GPC6: variants seen among roughly 807,000 people sequenced by gnomAD.
GPC6 encodes glypican-6.
In GPC6, 14 loss-of-function variants were observed where a neutral mutation model predicts 55.2. That is an observed-to-expected ratio of 0.25 (90% CI 0.17 to 0.40). The LOEUF (loss-of-function observed/expected upper bound fraction) is 0.40, where lower values mean the gene tolerates loss of function less well. Ranked by LOEUF, GPC6 falls within the 10% of genes least tolerant of loss-of-function variation. The pLI is 1.00. For synonymous variants in GPC6, 278 were observed against 259.6 expected, an observed-to-expected ratio of 1.07 and a Z score of -0.68; for missense variants, 641 against 708.5, an observed-to-expected ratio of 0.90 and a Z score of 1.08.
At chr13:93,907,560 T>C (rs1308535303) in intron 3 of GPC6, among the ~76,000 whole-genome samples, 1 of 152,148 alleles carries the variant, frequency 6.6e-6, no homozygotes, top group African/African-American at 2.4e-5. Context: ...GAATCTTCCT[T>C]TATCAAATAA....
intron 6 of GPC6, among the ~76,000 whole-genome samples, chr13:94,326,059 T>C (rs1485741537): frequency 3.3e-5 from 5 of 152,142 alleles, no homozygotes; most frequent in Admixed American, 3.3e-4. Context: ...ATGCTTAGAG[T>C]TGGAAGGGAT....
chr13:93,632,953 T>A (rs1241256744), intron 2 of GPC6, among the ~76,000 whole-genome samples: 4 of 152,148 alleles, frequency 2.6e-5, no homozygotes, highest in African/African-American at 9.7e-5. Flanking sequence ...GCCCATCAGG[T>A]CATATCAAGT....
intron 1 of GPC6, among the ~76,000 whole-genome samples, chr13:93,296,097 T>C (rs547299083): frequency 1.6e-4 from 24 of 152,278 alleles, no homozygotes; most frequent in Non-Finnish European, 2.6e-4. Context: ...TTTCAACATA[T>C]GAGTTTTGTG....
At chr13:93,797,316 C>G (rs1268387359) in intron 2 of GPC6, among the ~76,000 whole-genome samples, 1 of 152,178 alleles carries the variant, frequency 6.6e-6, no homozygotes, top group Non-Finnish European at 1.5e-5. Flanking sequence ...AGGCTCCTTT[C>G]CACCATCTTC....
chr13:94,120,423 C>T (rs1482966565), intron 4 of GPC6, among the ~76,000 whole-genome samples: 2 of 151,998 alleles, frequency 1.3e-5, no homozygotes, highest in East Asian at 3.9e-4. Context: ...TACCTTAATT[C>T]CTCTATTCTT....
intron 2 of GPC6, among the ~76,000 whole-genome samples, chr13:93,816,476 A>G (rs1353974482): frequency 1.3e-5 from 2 of 150,832 alleles, no homozygotes; most frequent in Admixed American, 1.3e-4. Context: ...TTGTTGTTAC[A>G]TTCTGTGATT....
chr13:93,346,306 A>G (rs1440124849), intron 1 of GPC6, among the ~76,000 whole-genome samples: 2 of 152,226 alleles, frequency 1.3e-5, no homozygotes, highest in Non-Finnish European at 2.9e-5. Flanking sequence ...ATAAATGGGC[A>G]AGTGTAAAGC....
At chr13:93,690,816 G>GTTATT (rs1361542096) in intron 2 of GPC6, among the ~76,000 whole-genome samples, 2 of 151,942 alleles carry the variant, frequency 1.3e-5, no homozygotes, top group African/African-American at 4.8e-5. Flanking sequence ...TAATGAAGAG[G>GTTATT]TTATTTTATT....
intron 3 of GPC6, among the ~76,000 whole-genome samples, chr13:93,939,425 A>AATAATAGTAATG (rs1878609459): frequency 6.7e-6 from 1 of 149,682 alleles, no homozygotes; most frequent in South Asian, 2.1e-4. Context: ...CTCAAATAAT[A>AATAATAGTAATG]ATAATAATAA....
chr13:94,395,995 A>T (rs1192345181), intron 7 of GPC6, among the ~76,000 whole-genome samples: 1 of 152,182 alleles, frequency 6.6e-6, no homozygotes, highest in East Asian at 1.9e-4. Context: ...GCGGGACTAA[A>T]GGGGTCAGGG....
chr13:93,510,983 A>ATGTATATATATG (rs1880942080), intron 1 of GPC6, among the ~76,000 whole-genome samples: 1 of 37,060 alleles, frequency 2.7e-5, no homozygotes, highest in African/African-American at 6.8e-5. Context: ...GTATATATAT[A>ATGTATATATATG]TGTGTATATA....
At chr13:93,681,528 T>C (rs1286727556) in intron 2 of GPC6, among the ~76,000 whole-genome samples, 1 of 152,196 alleles carries the variant, frequency 6.6e-6, no homozygotes, top group Non-Finnish European at 1.5e-5. Context: ...GGATATTCTA[T>C]GGTATTAAAT....
chr13:93,490,632 T>C (rs1358773975), intron 1 of GPC6, among the ~76,000 whole-genome samples: 7 of 133,810 alleles, frequency 5.2e-5, no homozygotes. Flanking sequence ...ACTCGTCATC[T>C]AGCATTAGGT....
chr13:93,805,971 C>T (rs1344923091), intron 2 of GPC6, among the ~76,000 whole-genome samples: 1 of 152,204 alleles, frequency 6.6e-6, no homozygotes, highest in Non-Finnish European at 1.5e-5. Context: ...TGAGTCTCGT[C>T]AGTCATTCAC....
At chr13:93,360,272 A>C (rs1415810576) in intron 1 of GPC6, among the ~76,000 whole-genome samples, 2 of 152,188 alleles carry the variant, frequency 1.3e-5, no homozygotes, top group Non-Finnish European at 1.5e-5. Context: ...CAGAGACCAG[A>C]CTGAAATATG....
intron 1 of GPC6, among the ~76,000 whole-genome samples, chr13:93,497,141 C>T (rs982023348): frequency 1.3e-5 from 2 of 152,124 alleles, no homozygotes; most frequent in Non-Finnish European, 2.9e-5. Flanking sequence ...AAGATTAAAA[C>T]AACAAAAATC....
rs113973792 is a variant in GPC6, at chr13:93,766,065, T to C, written c.320-64089T>C. ...GTCATACCATGGGTGTTCTGATATT[T>C]TGGTGGTGTTTGCAGTCATGTGCAA... On this transcript the variant is annotated intron_variant, in intron 2 of 8. Transcript: ENST00000377047. 6.9e-3 allele frequency among the ~76,000 whole-genome samples: 1,053 copies of C among 152,256 alleles called. 15 individuals carry two copies. Among genetic ancestry groups the C allele is most frequent in the African/African-American group, 0.024 (984 of 41,556 alleles).
rs977917941 is a variant in GPC6 at position 93,798,874 on chromosome 13, G to A, written c.320-31280G>A. Among the ~76,000 whole-genome samples the A allele has an allele frequency of 4.5e-5, 6 of 133,304 alleles. No individual in the cohort carries two copies. In the East Asian group the frequency reaches 1.1e-3, roughly 24 times the overall value. The allele number at this position is 133,304 out of a possible 152,430, so 87.5% of individuals were successfully genotyped here. On this transcript the variant is annotated intron_variant, in intron 2 of 8. Transcript: ENST00000377047. Reference sequence around the variant, plus strand: ...GCGGAGGTTGCAATGAGCCAAGATCGCACCACTGCACTCCAGCCTGGGTGA... The same window carrying A: ...GCGGAGGTTGCAATGAGCCAAGATCACACCACTGCACTCCAGCCTGGGTGA...
intron 1 of GPC6, among the ~76,000 whole-genome samples, chr13:93,426,923 T>G (rs769938188): frequency 2.7e-5 from 4 of 148,102 alleles, no homozygotes; most frequent in Non-Finnish European, 6.0e-5. Context: ...TTTTAATGAT[T>G]GCCATTCTAA....
Sources: gnomAD v4.1 joint callset for allele counts (sites outside exome capture counted in the v4.1 genomes callset) on GRCh38, gnomAD v4.1.1 for gene constraint, MANE v1.5 for transcripts, NCBI Gene and HGNC (gene_info 2026-07-23, HGNC 2026-07-21) for gene names.